TOPAZ1: variants seen among roughly 807,000 people sequenced by gnomAD.
TOPAZ1 encodes protein TOPAZ1.
TOPAZ1 carries 66 observed loss-of-function variants against 172.2 expected under a neutral mutation model. The ratio of observed to expected loss-of-function variants is 0.38; its 90% CI spans 0.31 to 0.47. The LOEUF (loss-of-function observed/expected upper bound fraction) is 0.47, where lower values mean the gene tolerates loss of function less well. Among genes scored for constraint, TOPAZ1 ranks in the 20% least tolerant of loss-of-function variants. TOPAZ1 has a pLI of 0.99. For missense variants in TOPAZ1, 1,822 were observed against 1,972.4 expected (o/e 0.92, Z 1.44); for synonymous variants, 681 against 683.9 (o/e 1.00, Z 0.07).
At chr3:44,284,052 T>C (rs1700052657) in intron 9 of TOPAZ1, among the ~76,000 whole-genome samples, 1 of 152,188 alleles carries the variant, frequency 6.6e-6, no homozygotes, top group Non-Finnish European at 1.5e-5. Flanking sequence ...CATGATTCTT[T>C]AGCCTCCTTT....
chr3:44,246,854 G>T (rs1032359732), intron 2 of TOPAZ1, among the ~76,000 whole-genome samples: 1 of 152,152 alleles, frequency 6.6e-6, no homozygotes, highest in Admixed American at 6.6e-5. Context: ...AATAGAAAAG[G>T]TTTGGGCATT....
intron 12 of TOPAZ1, among the ~76,000 whole-genome samples, chr3:44,297,044 G>A (rs1241750888): frequency 6.6e-6 from 1 of 151,472 alleles, no homozygotes; most frequent in African/African-American, 2.4e-5. Context: ...GGTGGCACAT[G>A]CCTGTAATCC....
At chr3:44,331,729 C>G in intron 19 of TOPAZ1, 63 bp from the exon 20 acceptor site, 3 of 1,237,394 alleles carry the variant, frequency 2.4e-6, no homozygotes, top group South Asian at 2.6e-5. Flanking sequence ...AAATGACTAT[C>G]TTTTGAAGAA....
At chr3:44,314,580 A>C (rs1700431328) in intron 16 of TOPAZ1, among the ~76,000 whole-genome samples, 1 of 151,964 alleles carries the variant, frequency 6.6e-6, no homozygotes, top group Non-Finnish European at 1.5e-5. Context: ...TTGTTTTCCT[A>C]GTTTTTCCTC....
intron 11 of TOPAZ1, 27 bp from the exon 12 acceptor site, chr3:44,290,744 A>T (rs1186018428): frequency 7.0e-7 from 1 of 1,427,044 alleles, no homozygotes; most frequent in African/African-American, 1.4e-5. Context: ...TTGTAAGAAT[A>T]ACCACTCTTT....
Position 44,328,243 on chromosome 3 carries a change from T to C in TOPAZ1, c.4676-7T>C. The C allele has an allele frequency of 1.4e-6, 2 of 1,470,162 alleles. No homozygotes were observed. The highest frequency in any genetic ancestry group is 1.8e-6 in the Non-Finnish European group (2 of 1,115,870). The allele number at this position is 1,470,162 out of a possible 1,614,324, so 91.1% of individuals were successfully genotyped here. On this transcript the variant is annotated splice_polypyrimidine_tract_variant and splice_region_variant and intron_variant, in intron 18 of 19. Coordinates refer to ENST00000309765, the MANE Select transcript of TOPAZ1 (RefSeq NM_001145030.2). ...AGTAAAGTTTGACCTATTATTTGATTTTTCAGGTGCTCTTTCCTTGGGTTG... is the reference window on the plus strand; with the variant it reads ...AGTAAAGTTTGACCTATTATTTGATCTTTCAGGTGCTCTTTCCTTGGGTTG...
chr3:44,255,418 C>T (rs1354969065), intron 3 of TOPAZ1, among the ~76,000 whole-genome samples: 15 of 151,794 alleles, frequency 9.9e-5, no homozygotes, highest in East Asian at 3.9e-4. Context: ...TTTGGGAGTC[C>T]GCGGCAGGTG....
rs759884772 is a variant in TOPAZ1 at position 44,241,965 on chromosome 3, A to G, written c.-89A>G. On this transcript the variant is annotated 5_prime_UTR_variant, in exon 1 of 20. Transcript: ENST00000309765. ...GGTGTGGGGTGGGTCAGAGGGCAGT[A>G]GGTACCTCCAGGCGGGAGCAGCGTT... 1.1e-5 allele frequency: 14 copies of G among 1,241,334 alleles called. No homozygotes were observed. The highest frequency in any genetic ancestry group is 1.3e-5 in the Non-Finnish European group (12 of 898,132). The allele number at this position is 1,241,334 out of a possible 1,614,324, so 76.9% of individuals were successfully genotyped here. A position where few individuals can be genotyped will look rare whatever the true frequency, so the allele number is the denominator to read the frequency against.
At chr3:44,245,408 C>A in intron 2 of TOPAZ1, 137 bp downstream of exon 2, 1 of 825,132 alleles carries the variant, frequency 1.2e-6, no homozygotes, top group Non-Finnish European at 1.7e-6. Flanking sequence ...TGTTATATAC[C>A]ATTATTACTG....
chr3:44,270,767 C>A lies in TOPAZ1; in HGVS notation c.3329C>A (p.Pro1110Gln). The A allele has an allele frequency of 6.4e-7, 1 of 1,550,522 alleles. No homozygotes were observed. ...HFNTLRGCER[P>Q]LCKFAHVPEQ... ...AATACATTACGTGGCTGTGAGCGAC[C>A]ACTGTGCAAGTTTGCTCATGTGCCT... The change falls in exon 8 of 20, where the codon CCA becomes CAA. Residue 1110 changes from proline (P) to glutamine (Q), a missense_variant. Coordinates refer to ENST00000309765, the MANE Select transcript of TOPAZ1 (RefSeq NM_001145030.2).
rs1172502117 is a variant in TOPAZ1 at position 44,244,402 on chromosome 3, T to C, written c.1896T>C (p.Ala632=). 1 of 1,541,832 alleles carries C rather than the reference T, an allele frequency of 6.5e-7. No individual in the cohort carries two copies. The highest frequency in any genetic ancestry group is 8.7e-7 in the Non-Finnish European group (1 of 1,144,146). Residue 632 remains alanine, a synonymous_variant, in exon 2 of 20, where the codon GCT becomes GCC. Transcript: ENST00000309765. ...TQSLTGNKKK[A]RGNLTKLNLT... ...GCTTAACGGGAAATAAAAAAAAAGC[T>C]AGAGGAAATTTAACGAAACTTAATT... is the stretch of plus-strand genomic sequence containing the variant.
At chr3:44,319,426 C>G (rs1419294232) in intron 16 of TOPAZ1, among the ~76,000 whole-genome samples, 1 of 152,008 alleles carries the variant, frequency 6.6e-6, no homozygotes, top group Non-Finnish European at 1.5e-5. Flanking sequence ...AAAAATGATG[C>G]AATTTTTATG....
At chr3:44,260,472 T>A (rs1699763572) in intron 4 of TOPAZ1, among the ~76,000 whole-genome samples, 1 of 152,114 alleles carries the variant, frequency 6.6e-6, no homozygotes, top group Admixed American at 6.6e-5. Flanking sequence ...AGAGAAACCC[T>A]TCCCCATCTC....
At chr3:44,326,040 A>G (rs1233918120) in intron 18 of TOPAZ1, among the ~76,000 whole-genome samples, 2 of 152,236 alleles carry the variant, frequency 1.3e-5, no homozygotes, top group African/African-American at 4.8e-5. Flanking sequence ...AATATTCTAT[A>G]AAATGGAATC....
chr3:44,259,523 TCCCAC>T (rs1699752373), intron 4 of TOPAZ1, among the ~76,000 whole-genome samples: 1 of 152,172 alleles, frequency 6.6e-6, no homozygotes, highest in African/African-American at 2.4e-5. Context: ...ATCTAACAAG[TCCCAC>T]TATTGATGGA....
intron 12 of TOPAZ1, among the ~76,000 whole-genome samples, chr3:44,302,532 A>G (rs1700284369): frequency 6.6e-6 from 1 of 152,156 alleles, no homozygotes; most frequent in South Asian, 2.1e-4. Flanking sequence ...ATTTTATTCC[A>G]CTGGACTGTT....
At chr3:44,259,734 A>T (rs1699754384) in intron 4 of TOPAZ1, among the ~76,000 whole-genome samples, 1 of 152,188 alleles carries the variant, frequency 6.6e-6, no homozygotes, top group Non-Finnish European at 1.5e-5. Flanking sequence ...CTCCCCACAC[A>T]CTAATTCATT....
intron 5 of TOPAZ1, among the ~76,000 whole-genome samples, chr3:44,263,850 G>C (rs981435555): frequency 6.6e-6 from 1 of 151,994 alleles, no homozygotes; most frequent in African/African-American, 2.4e-5. Flanking sequence ...TATTTTTCTA[G>C]ATAAGTAGTG....
At chr3:44,308,831 C>T (rs28645959) in intron 15 of TOPAZ1, among the ~76,000 whole-genome samples, 1,554 of 152,124 alleles carry the variant, frequency 0.01, 25 homozygotes, top group African/African-American at 0.036. Flanking sequence ...AAATCATTGA[C>T]AGTAAACTAA....
Sources: allele counts gnomAD v4.1 joint callset (sites outside exome capture counted in the v4.1 genomes callset), GRCh38; gene constraint gnomAD v4.1.1; transcripts MANE v1.5; gene names NCBI Gene and HGNC (gene_info 2026-07-23, HGNC 2026-07-21).